The following ANO4 variants were observed in gnomAD, a reference collection of about 807,000 sequenced individuals.
The protein encoded by ANO4 is anoctamin 4.
In ANO4, 69 loss-of-function variants were observed where a neutral mutation model predicts 141.9. The ratio of observed to expected loss-of-function variants is 0.49; its 90% CI spans 0.40 to 0.59. The LOEUF is 0.59. Among genes scored for constraint, ANO4 ranks in the 20% least tolerant of loss-of-function variants. The probability of loss-of-function intolerance (pLI) is 0.00; values close to 1 mark genes in which losing one functional copy is unlikely to be tolerated. For missense variants in ANO4, 894 were observed against 1,162.2 expected, an observed-to-expected ratio of 0.77 and a Z score of 3.36; for synonymous variants, 350 against 394.3, an observed-to-expected ratio of 0.89 and a Z score of 1.33.
intron 1 of ANO4, among the ~76,000 whole-genome samples, chr12:100,717,831 G>A (rs2030677803): frequency 6.6e-6 from 1 of 152,214 alleles, no homozygotes; most frequent in Non-Finnish European, 1.5e-5. Flanking sequence ...CGACCACTCA[G>A]GGGAAGGGAC....
intron 14 of ANO4, among the ~76,000 whole-genome samples, chr12:101,065,479 G>A (rs949566521): frequency 6.6e-6 from 1 of 152,132 alleles, no homozygotes; most frequent in Non-Finnish European, 1.5e-5. Flanking sequence ...GATACTATGA[G>A]CAACTATATG....
At chr12:100,975,632 G>A (rs1338824460) in intron 7 of ANO4, among the ~76,000 whole-genome samples, 1 of 151,566 alleles carries the variant, frequency 6.6e-6, no homozygotes, top group Non-Finnish European at 1.5e-5. Context: ...GTAGAGAGAG[G>A]GTTTCACCGT....
intron 1 of ANO4, among the ~76,000 whole-genome samples, chr12:100,729,143 TCA>T (rs897927007): frequency 5.3e-5 from 8 of 152,132 alleles, no homozygotes; most frequent in African/African-American, 1.9e-4. Context: ...GATATTATTT[TCA>T]GTTTGCTCCT....
At chr12:100,983,385 A>G (rs1184226282) in intron 7 of ANO4, among the ~76,000 whole-genome samples, 4 of 152,216 alleles carry the variant, frequency 2.6e-5, no homozygotes, top group Admixed American at 1.3e-4. Context: ...TTAGCTCACA[A>G]TTCTGTAAGT....
At chr12:100,859,573 C>A (rs541875415) in intron 1 of ANO4, among the ~76,000 whole-genome samples, 7 of 152,286 alleles carry the variant, frequency 4.6e-5, no homozygotes, top group Admixed American at 4.6e-4. Flanking sequence ...TCCTCCGATA[C>A]ATGGATCAAA....
chr12:100,830,591 A>G (rs536510438), intron 1 of ANO4, among the ~76,000 whole-genome samples: 4 of 152,128 alleles, frequency 2.6e-5, no homozygotes, highest in African/African-American at 9.6e-5. Flanking sequence ...CTTACAGCAG[A>G]TGAACTGCCC....
At chr12:101,088,146 C>A (rs2049584264) in intron 17 of ANO4, among the ~76,000 whole-genome samples, 1 of 152,148 alleles carries the variant, frequency 6.6e-6, no homozygotes, top group South Asian at 2.1e-4. Context: ...CTGACCTCAT[C>A]TTTTCTTTTA....
chr12:100,852,431 G>A (rs1212080137), intron 1 of ANO4: 1 of 152,170 alleles, frequency 6.6e-6, no homozygotes, highest in Non-Finnish European at 1.5e-5. Flanking sequence ...CAGGATACAG[G>A]CTTCTTCTAC....
chr12:101,109,201 A>C (rs1351782831), intron 22 of ANO4, among the ~76,000 whole-genome samples: 1 of 152,236 alleles, frequency 6.6e-6, no homozygotes, highest in East Asian at 1.9e-4. Context: ...TCCTCAGTGC[A>C]TCATATCGGG....
At chr12:101,086,080 CTGTGTGTGTGTGTGTGTGTGTGTG>C (rs56891905) in intron 16 of ANO4, among the ~76,000 whole-genome samples, 16 of 131,732 alleles carry the variant, frequency 1.2e-4, no homozygotes, top group East Asian at 4.8e-4. Context: ...GTTAACTAGG[CTGTGTGTGTGTGTGTGTGTGTGTG>C]TGTGTGTGTG....
rs571165183 is a variant in ANO4, at chr12:100,942,572, A to G, written c.456+37A>G. On this transcript the variant is annotated intron_variant, in intron 5 of 27. Coordinates refer to ENST00000392977, the MANE Select transcript of ANO4 (RefSeq NM_001286615.2). ...GCTTGGATGAGAAAAAAATATATAC[A>G]TATCTATTCATATGAAGAGGCAATA... 1.6e-4 allele frequency: 253 copies of G among 1,581,998 alleles called. 3 individuals are homozygous for G. In the South Asian group the frequency reaches 2.8e-3, roughly 17 times the overall value.
chr12:101,035,954 A>G (rs1183724541), intron 9 of ANO4, among the ~76,000 whole-genome samples: 3 of 152,144 alleles, frequency 2.0e-5, no homozygotes, highest in Non-Finnish European at 4.4e-5. Context: ...CCAACACACA[A>G]TTTACCCATG....
chr12:100,839,505 T>TA (rs980946300), intron 1 of ANO4, among the ~76,000 whole-genome samples: 1 of 152,142 alleles, frequency 6.6e-6, no homozygotes, highest in Non-Finnish European at 1.5e-5. Context: ...TTAATAAAGA[T>TA]AAAAAAATTT....
At chr12:100,783,838 CTG>C in intron 3 of ANO4, among the ~76,000 whole-genome samples, 1 of 152,162 alleles carries the variant, frequency 6.6e-6, no homozygotes, top group Non-Finnish European at 1.5e-5. Flanking sequence ...CCTCACATCT[CTG>C]TGATCTTACT....
chr12:100,916,487 A>G (rs1483843045), intron 2 of ANO4, among the ~76,000 whole-genome samples: 1 of 152,144 alleles, frequency 6.6e-6, no homozygotes, highest in East Asian at 1.9e-4. Context: ...TCTAGGTTTT[A>G]TAGGAGATAA....
chr12:100,896,505 TGGAAACAG>T (rs2040362954), intron 1 of ANO4, among the ~76,000 whole-genome samples: 1 of 152,130 alleles, frequency 6.6e-6, no homozygotes, highest in African/African-American at 2.4e-5. Flanking sequence ...TGCACTTCTG[TGGAAACAG>T]GGAACATACA....
rs57931112 is a variant in ANO4, at chr12:100,984,913, A to AT, written c.603-2614dup. On this transcript the variant is annotated intron_variant, in intron 7 of 27. Coordinates refer to ENST00000392977, the MANE Select transcript of ANO4 (RefSeq NM_001286615.2). ...CACTCCTATAGAGTAGTTATGCCTGATTTTTTTTTTTTACAGCTTTATTTG... is the reference window on the plus strand; with the variant it reads ...CACTCCTATAGAGTAGTTATGCCTGATTTTTTTTTTTTTACAGCTTTATTTG... Among the ~76,000 whole-genome samples the AT allele has an allele frequency of 1.5e-4, 22 of 150,612 alleles. No individual in the cohort carries two copies. The South Asian group carries it at 1.7e-3, about 11-fold the overall frequency.
intron 1 of ANO4, among the ~76,000 whole-genome samples, chr12:100,814,776 G>C (rs1240029776): frequency 6.6e-6 from 1 of 152,112 alleles, no homozygotes. Flanking sequence ...GTGAGGGTGG[G>C]AGAAGGGTAC....
chr12:100,781,448 T>A (rs780590692), intron 3 of ANO4, among the ~76,000 whole-genome samples: 8 of 152,152 alleles, frequency 5.3e-5, no homozygotes, highest in Non-Finnish European at 1.0e-4. Context: ...CAGTGAGGTT[T>A]CCATATATGC....
Sources: gnomAD v4.1 joint callset for allele counts (sites outside exome capture counted in the v4.1 genomes callset) on GRCh38, gnomAD v4.1.1 for gene constraint, MANE v1.5 for transcripts, NCBI Gene and HGNC (gene_info 2026-07-23, HGNC 2026-07-21) for gene names.